HIPK2: variants seen among roughly 807,000 people sequenced by gnomAD.
The protein encoded by HIPK2 is homeodomain interacting protein kinase 2.
Under a neutral mutation model 113.7 loss-of-function variants are expected in HIPK2, and 27 were observed. The observed-to-expected ratio is 0.24, with a 90% confidence interval of 0.17 to 0.33. HIPK2 has a LOEUF of 0.33. HIPK2 is among the 10% of genes least tolerant of loss of function. The probability of loss-of-function intolerance (pLI) is 1.00; values close to 1 mark genes in which losing one functional copy is unlikely to be tolerated. For missense variants in HIPK2, 1,257 were observed against 1,588.0 expected (o/e 0.79, Z 3.54); for synonymous variants, 631 against 642.2 (o/e 0.98, Z 0.26).
intron 1 of HIPK2, among the ~76,000 whole-genome samples, chr7:139,727,337 TC>T (rs1161009876): frequency 6.6e-6 from 1 of 152,056 alleles, no homozygotes. Context: ...AGCCCTCTTT[TC>T]CCACAGGGTC....
chr7:139,767,480 A>G (rs1468496375), intron 1 of HIPK2, among the ~76,000 whole-genome samples: 1 of 152,234 alleles, frequency 6.6e-6, no homozygotes, highest in Non-Finnish European at 1.5e-5. Context: ...GGGAAAAAAT[A>G]AATAGGTGGA....
rs1046538424 is a variant in HIPK2 at position 139,714,089 on chromosome 7, G to C, written c.1103+1843C>G. 6.6e-6 allele frequency among the ~76,000 whole-genome samples: 1 copy of C among 152,216 alleles called. No individual in the cohort carries two copies. The highest frequency in any genetic ancestry group is 2.4e-5 in the African/African-American group (1 of 41,448). On this transcript the variant is annotated intron_variant, in intron 2 of 14. Coordinates refer to ENST00000406875, the MANE Select transcript of HIPK2 (RefSeq NM_022740.5). The surrounding 1 kb of genome is among the most constrained non-coding windows in gnomAD (Gnocchi z 4.2). ...CCTGGTCAGGACGAGGGAGTGGAGA[G>C]CAAGTGGAGGGGCAGCAGTAGACCC...
At chr7:139,695,737 T>C (rs1299146646) in intron 2 of HIPK2, among the ~76,000 whole-genome samples, 5 of 151,902 alleles carry the variant, frequency 3.3e-5, no homozygotes, top group African/African-American at 1.2e-4. Flanking sequence ...GCCAAAGATG[T>C]TTTGGACAAA....
chr7:139,717,803 G>A (rs995172366), intron 1 of HIPK2, among the ~76,000 whole-genome samples: 1 of 152,052 alleles, frequency 6.6e-6, no homozygotes, highest in African/African-American at 2.4e-5. Flanking sequence ...GGAGTGCAAT[G>A]GCATGATCTC....
chr7:139,703,764 CCACACACT>C (rs1569477419), intron 2 of HIPK2, among the ~76,000 whole-genome samples: 1 of 131,818 alleles, frequency 7.6e-6, no homozygotes, highest in South Asian at 2.5e-4. Flanking sequence ...ACACACACAC[CCACACACT>C]ACACCCAACA....
intron 1 of HIPK2, among the ~76,000 whole-genome samples, chr7:139,729,501 C>T (rs186366237): frequency 2.6e-4 from 39 of 152,158 alleles, no homozygotes; most frequent in Non-Finnish European, 5.0e-4. Context: ...TGGCAGTGGG[C>T]GGCCAAGTTC....
At chr7:139,725,991 AG>A (rs1795563724) in intron 1 of HIPK2, among the ~76,000 whole-genome samples, 1 of 152,246 alleles carries the variant, frequency 6.6e-6, no homozygotes, top group African/African-American at 2.4e-5. Context: ...TGATAAGTGA[AG>A]GAAGACAGAC....
chr7:139,582,794 G>C (rs1798710690), intron 13 of HIPK2, among the ~76,000 whole-genome samples: 1 of 152,346 alleles, frequency 6.6e-6, no homozygotes, highest in Non-Finnish European at 1.5e-5. Flanking sequence ...CCAGGGCTCT[G>C]ACCCTCACCG....
At position 139,716,003 on chromosome 7, in the gene HIPK2, G is replaced by A; in HGVS notation, c.1032C>T (p.Val344=). ...CGTGGCTGGCTGAACCAAAGTCGAT[G>A]ACCTTGACTCTGTATGGTTGTCTAG... ...DPSRQPYRVK[V]IDFGSASHVS... Residue 344 remains valine (V), a synonymous_variant, in exon 2 of 15, where the codon GTC becomes GTT. Transcript: ENST00000406875. This position sits in a 1 kb window ranked among gnomAD's most constrained non-coding sequence, Gnocchi z 9.3. 6.2e-7 allele frequency: 1 copy of A among 1,614,138 alleles called. No homozygotes were observed. The highest frequency in any genetic ancestry group is 1.3e-5 in the African/African-American group (1 of 75,030).
intron 2 of HIPK2, among the ~76,000 whole-genome samples, chr7:139,676,183 C>G (rs1802489068): frequency 6.6e-6 from 1 of 152,242 alleles, no homozygotes; most frequent in African/African-American, 2.4e-5. Context: ...CGCAACTCCT[C>G]TCTGCTGCAT....
At position 139,568,462 on chromosome 7, in the gene HIPK2, A is replaced by G. The variant is rs1252713167; in HGVS notation, c.*4465T>C. The G allele has an allele frequency of 6.6e-6, 1 of 152,264 alleles. No individual in the cohort carries two copies. The highest frequency in any genetic ancestry group is 2.4e-5 in the African/African-American group (1 of 41,444). 9.4% of individuals were successfully genotyped at this position (152,264 alleles called of 1,614,324 possible). Reference sequence around the variant, plus strand: ...ATGAAGAGGCCCTAAGCACAGAGACATGGGGGCCCACGTCCAGACGGGCCA... The same window carrying G: ...ATGAAGAGGCCCTAAGCACAGAGACGTGGGGGCCCACGTCCAGACGGGCCA... On this transcript the variant is annotated 3_prime_UTR_variant, in exon 15 of 15. Coordinates refer to ENST00000406875, the MANE Select transcript of HIPK2 (RefSeq NM_022740.5).
At chr7:139,732,119 T>C (rs887606045) in intron 1 of HIPK2, among the ~76,000 whole-genome samples, 3 of 152,204 alleles carry the variant, frequency 2.0e-5, no homozygotes, top group Non-Finnish European at 4.4e-5. Flanking sequence ...AAAGTAGCAT[T>C]GTAATGTGCT....
At chr7:139,720,817 T>C (rs1569480730) in intron 1 of HIPK2, among the ~76,000 whole-genome samples, 1 of 152,168 alleles carries the variant, frequency 6.6e-6, no homozygotes, top group Non-Finnish European at 1.5e-5. Flanking sequence ...ACAGCAGAAA[T>C]ACGCTGTTCA....
chr7:139,575,426 C>A lies in HIPK2; in HGVS notation c.2966-138G>T, dbSNP rs889378076. The A allele has an allele frequency of 1.0e-4, 99 of 993,692 alleles. 2 individuals carry two copies. The East Asian group carries it at 2.6e-3, about 26-fold the overall frequency. The allele number at this position is 993,692 out of a possible 1,614,324, so 61.6% of individuals were successfully genotyped here. A position where few individuals can be genotyped will look rare whatever the true frequency, so the allele number is the denominator to read the frequency against. On this transcript the variant is annotated intron_variant, in intron 13 of 14. Coordinates refer to ENST00000406875, the MANE Select transcript of HIPK2 (RefSeq NM_022740.5). ...GGCAGTAACAAATCAGCCTCATCTC[C>A]CCCGGACCCACTAGGACTTTGCCTT...
rs768012439 is a variant in HIPK2 at position 139,716,834 on chromosome 7, G to A, written c.201C>T (p.Val67=). The A allele has an allele frequency of 1.9e-6, 3 of 1,613,944 alleles. No homozygotes were observed. Among genetic ancestry groups the A allele is most frequent in the East Asian group, 2.2e-5 (1 of 44,868 alleles). The change falls in exon 2 of 15, where the codon GTC becomes GTT. Residue 67 remains valine, a synonymous_variant. Transcript: ENST00000406875. The surrounding 1 kb of genome is among the most constrained non-coding windows in gnomAD (Gnocchi z 9.3). The part of the protein sequence containing the change: ...IPLSQPATTT[V]STSLPVPNPS... Reference sequence around the variant, plus strand: ...GGTTTGGGACCGGCAAGGAGGTGCTGACGGTTGTGGTGGCTGGCTGCGACA... The same window carrying A: ...GGTTTGGGACCGGCAAGGAGGTGCTAACGGTTGTGGTGGCTGGCTGCGACA...
rs941380718 is a variant in HIPK2 at position 139,620,989 on chromosome 7, C to G, written c.1620-426G>C. Among the ~76,000 whole-genome samples, 4 of 152,170 alleles carry G rather than the reference C, an allele frequency of 2.6e-5. No individual in the cohort carries two copies. The East Asian group carries it at 7.7e-4, about 29-fold the overall frequency. On this transcript the variant is annotated intron_variant, in intron 6 of 14. Transcript: ENST00000406875. ...GCCTCCACCTTTCCCAAAGACAACC[C>G]TTGTAGTCACCTGCTTCAGCTACCC... is the stretch of plus-strand genomic sequence containing the variant.
intron 2 of HIPK2, among the ~76,000 whole-genome samples, chr7:139,633,816 A>T (rs570910308): frequency 6.6e-6 from 1 of 152,122 alleles, no homozygotes; most frequent in East Asian, 1.9e-4. Flanking sequence ...GTGGTGGCGC[A>T]GGTCTGTAAT....
At chr7:139,591,831 C>A (rs1799035372) in intron 12 of HIPK2, among the ~76,000 whole-genome samples, 1 of 152,258 alleles carries the variant, frequency 6.6e-6, no homozygotes, top group Non-Finnish European at 1.5e-5. Flanking sequence ...TTCACTCAAG[C>A]CTGATTCCCA....
chr7:139,669,727 CAA>C (rs574160818), intron 2 of HIPK2, among the ~76,000 whole-genome samples: 316 of 152,046 alleles, frequency 2.1e-3, no homozygotes, highest in African/African-American at 7.1e-3. Context: ...CACACACACA[CAA>C]AAACTACAAT....
Sources: allele counts gnomAD v4.1 joint callset (sites outside exome capture counted in the v4.1 genomes callset), GRCh38; gene constraint gnomAD v4.1.1; non-coding constraint Gnocchi (gnomAD v3.1); transcripts MANE v1.5; gene names NCBI Gene and HGNC (gene_info 2026-07-23, HGNC 2026-07-21).